Variants in C5orf22 observed in about 807,000 individuals in gnomAD.
C5orf22 encodes the protein chromosome 5 open reading frame 22, also known as UPF0489 protein C5orf22.
C5orf22 carries 36 observed loss-of-function variants against 48.7 expected under a neutral mutation model. The ratio of observed to expected loss-of-function variants is 0.74; its 90% CI spans 0.57 to 0.98. The LOEUF is 0.98. C5orf22 is among the 50% of genes least tolerant of loss of function. C5orf22 has a pLI of 0.00. For missense variants in C5orf22, 486 were observed against 521.9 expected (o/e 0.93, Z 0.67); for synonymous variants, 141 against 180.8 (o/e 0.78, Z 1.76).
Position 31,548,071 on chromosome 5 carries a change from G to A in C5orf22, c.1059+2359G>A, listed in dbSNP as rs369058295. On this transcript the variant is annotated intron_variant, in intron 7 of 8. Coordinates refer to ENST00000325366, the MANE Select transcript of C5orf22 (RefSeq NM_018356.3). ...AATCCCAGCACTTTGGGAGGCCAAG[G>A]CTGGCGGATCATTTGAGGCCAGGAG... Among the ~76,000 whole-genome samples the A allele has an allele frequency of 3.9e-5, 6 of 152,294 alleles. No homozygotes were observed. In the South Asian group the frequency reaches 1.2e-3, roughly 32 times the overall value.
chr5:31,548,243 G>C (rs1424223777), intron 7 of C5orf22, among the ~76,000 whole-genome samples: 1 of 151,928 alleles, frequency 6.6e-6, no homozygotes, highest in East Asian at 1.9e-4. Flanking sequence ...AAAGGCTGCA[G>C]TGAGCCGAGA....
At chr5:31,543,745 C>G (rs748475250) in intron 6 of C5orf22, among the ~76,000 whole-genome samples, 3 of 152,000 alleles carry the variant, frequency 2.0e-5, no homozygotes, top group Non-Finnish European at 4.4e-5. Context: ...CATGAAGTCT[C>G]AAGCTAAGTT....
chr5:31,553,207 G>A lies in C5orf22; in HGVS notation c.*305G>A. On this transcript the variant is annotated 3_prime_UTR_variant, in exon 9 of 9. Transcript: ENST00000325366. ...TCTTCACTTTTCCCCCAGGTCTGTT[G>A]AGCTGTATGAGATTCATTCATACTT... The A allele has an allele frequency of 3.9e-6, 1 of 255,884 alleles. No individual in the cohort carries two copies. Among genetic ancestry groups the A allele is most frequent in the Non-Finnish European group, 7.6e-6 (1 of 131,720 alleles). The allele number at this position is 255,884 out of a possible 1,614,324, so 15.9% of individuals were successfully genotyped here.
At chr5:31,552,628 C>A in intron 8 of C5orf22, 145 bp from the exon 9 acceptor site, 5 of 628,286 alleles carry the variant, frequency 8.0e-6, no homozygotes, top group South Asian at 4.4e-5. Flanking sequence ...TGGGGTAAAC[C>A]TTCACTAGCT....
intron 3 of C5orf22, among the ~76,000 whole-genome samples, chr5:31,537,116 T>C (rs1160611971): frequency 6.6e-6 from 1 of 152,222 alleles, no homozygotes; most frequent in African/African-American, 2.4e-5. Context: ...ATATGTGAAA[T>C]AGTAGTAGGG....
chr5:31,550,464 CTT>C (rs554800478), intron 7 of C5orf22, among the ~76,000 whole-genome samples: 90 of 152,170 alleles, frequency 5.9e-4, no homozygotes, highest in Admixed American at 1.9e-3. Flanking sequence ...AATATTTTCT[CTT>C]GTATCCTCTC....
chr5:31,551,076 TATTAAAA>T (rs1344435388), intron 7 of C5orf22, among the ~76,000 whole-genome samples: 1 of 152,216 alleles, frequency 6.6e-6, no homozygotes, highest in Admixed American at 6.5e-5. Context: ...TGCATAAAAA[TATTAAAA>T]ATTAAAAGTT....
At chr5:31,544,965 G>A (rs1279497503) in intron 6 of C5orf22, among the ~76,000 whole-genome samples, 4 of 118,094 alleles carry the variant, frequency 3.4e-5, no homozygotes, top group Admixed American at 2.8e-4. Flanking sequence ...ACAAATAAAC[G>A]TGTCCTTAAT....
At chr5:31,540,862 G>A (rs1448375080) in intron 4 of C5orf22, 87 bp from the exon 5 acceptor site, 4 of 923,326 alleles carry the variant, frequency 4.3e-6, no homozygotes, top group Non-Finnish European at 7.0e-6. Context: ...TGTATCACAA[G>A]GAAGGTTGTC....
chr5:31,552,948 G>A lies in C5orf22; in HGVS notation c.*46G>A, dbSNP rs1580467131. On this transcript the variant is annotated 3_prime_UTR_variant, in exon 9 of 9. Coordinates refer to ENST00000325366, the MANE Select transcript of C5orf22 (RefSeq NM_018356.3). ...CCTGTTGTATCTTGGTTTAGTAACAGGCCCTTAATTAACTTATTTGTACAT... is the reference window on the plus strand; with the variant it reads ...CCTGTTGTATCTTGGTTTAGTAACAAGCCCTTAATTAACTTATTTGTACAT... 1 of 1,582,900 alleles carries A rather than the reference G, an allele frequency of 6.3e-7. No homozygotes were observed.
At chr5:31,536,068 T>G (rs778862327) in intron 3 of C5orf22, among the ~76,000 whole-genome samples, 175 bp downstream of exon 3, 1 of 152,232 alleles carries the variant, frequency 6.6e-6, no homozygotes, top group Non-Finnish European at 1.5e-5. Context: ...ATATTCTTCA[T>G]GTACCATTTA....
intron 6 of C5orf22, among the ~76,000 whole-genome samples, chr5:31,543,190 T>C (rs1286641755): frequency 2.0e-5 from 3 of 152,214 alleles, no homozygotes; most frequent in Admixed American, 2.0e-4. Flanking sequence ...AAAGCTTTAA[T>C]TATTGACACT....
At position 31,551,367 on chromosome 5, in the gene C5orf22, T is replaced by C. The variant is rs541364888; in HGVS notation, c.1134T>C (p.Cys378=). The change falls in exon 8 of 9, where the codon TGT becomes TGC. Residue 378 remains cysteine, a synonymous_variant. Coordinates refer to ENST00000325366, the MANE Select transcript of C5orf22 (RefSeq NM_018356.3). ...HHISTEQEIE[C]LIQSVHYLLK... is the part of the protein sequence containing the mutation. ...TCAGCACAGAACAAGAAATAGAGTGTCTTATTCAATCTGTGCATTATTTGC... is the reference window on the plus strand; with the variant it reads ...TCAGCACAGAACAAGAAATAGAGTGCCTTATTCAATCTGTGCATTATTTGC... 6.8e-6 allele frequency: 11 copies of C among 1,613,720 alleles called. No homozygotes were observed. The African/African-American group carries it at 1.5e-4, about 22-fold the overall frequency.
chr5:31,551,436 A>G lies in C5orf22; in HGVS notation c.1199+4A>G, dbSNP rs1261087649. On this transcript the variant is annotated splice_donor_region_variant and intron_variant, in intron 8 of 8. Coordinates refer to ENST00000325366, the MANE Select transcript of C5orf22 (RefSeq NM_018356.3). ...CTACTCTTGTGACAATTGCAAGGTA[A>G]GTGTGTTCAGCAGAATAATGGCAAA... The G allele has an allele frequency of 2.5e-6, 4 of 1,607,226 alleles. No individual in the cohort carries two copies. The African/African-American group carries it at 4.0e-5, about 16-fold the overall frequency.
intron 7 of C5orf22, among the ~76,000 whole-genome samples, chr5:31,550,087 T>C (rs1243717410): frequency 6.6e-6 from 1 of 152,168 alleles, no homozygotes; most frequent in Non-Finnish European, 1.5e-5. Context: ...TAAATAGTTT[T>C]ATCATTTTGG....
chr5:31,548,104 C>T (rs1743011027), intron 7 of C5orf22, among the ~76,000 whole-genome samples: 1 of 152,116 alleles, frequency 6.6e-6, no homozygotes, highest in Non-Finnish European at 1.5e-5. Flanking sequence ...GAGTTCAAGA[C>T]CAACCTGGCC....
chr5:31,538,755 C>G (rs1391761085), intron 4 of C5orf22, 66 bp downstream of exon 4: 4 of 1,220,452 alleles, frequency 3.3e-6, no homozygotes, highest in South Asian at 1.5e-5. Context: ...GATGAGGAAC[C>G]AGCAAACTCT....
chr5:31,547,285 A>G (rs1177221456), intron 7 of C5orf22, among the ~76,000 whole-genome samples: 1 of 152,092 alleles, frequency 6.6e-6, no homozygotes, highest in Non-Finnish European at 1.5e-5. Flanking sequence ...GCGGGATACA[A>G]CCTCCCTCCT....
At chr5:31,552,541 A>T (rs1743347922) in intron 8 of C5orf22, among the ~76,000 whole-genome samples, 1 of 152,216 alleles carries the variant, frequency 6.6e-6, no homozygotes, top group Admixed American at 6.5e-5. Flanking sequence ...AGATTTCTTT[A>T]AAGGGATAGT....
Sources: allele counts gnomAD v4.1 joint callset (sites outside exome capture counted in the v4.1 genomes callset), GRCh38; gene constraint gnomAD v4.1.1; transcripts MANE v1.5; gene names NCBI Gene and HGNC (gene_info 2026-07-23, HGNC 2026-07-21).